MBP: variants seen among roughly 807,000 people sequenced by gnomAD.
MBP encodes the protein Golli-MBP.
A neutral mutation model predicts 35.8 loss-of-function variants in MBP; 16 were observed. The ratio of observed to expected loss-of-function variants is 0.45; its 90% CI spans 0.30 to 0.68. MBP has a LOEUF of 0.68. Among genes scored for constraint, MBP ranks in the 30% least tolerant of loss-of-function variants. MBP has a pLI of 0.08. For synonymous variants in MBP, 143 were observed against 159.6 expected, an observed-to-expected ratio of 0.90 and a Z score of 0.78; for missense variants, 380 against 404.7, an observed-to-expected ratio of 0.94 and a Z score of 0.52.
intron 3 of MBP, among the ~76,000 whole-genome samples, chr18:77,057,267 C>T (rs1387217898): frequency 6.6e-6 from 1 of 152,186 alleles, no homozygotes; most frequent in East Asian, 1.9e-4. Flanking sequence ...CACTGGGCTC[C>T]GATCCTGCTC....
intron 2 of MBP, chr18:77,069,095 C>G (rs762790861): frequency 1.8e-5 from 8 of 456,860 alleles, no homozygotes; most frequent in Non-Finnish European, 3.5e-5. Flanking sequence ...TTATTCCCCT[C>G]CCTGTGATGC....
intron 2 of MBP, among the ~76,000 whole-genome samples, chr18:77,071,119 A>G (rs73489044): frequency 0.06 from 9,209 of 152,274 alleles, 305 homozygotes; most frequent in South Asian, 0.11. Context: ...AATCATCACA[A>G]AAAAGGCTGT....
intron 3 of MBP, among the ~76,000 whole-genome samples, chr18:77,027,494 G>A (rs764251305): frequency 6.6e-6 from 1 of 152,128 alleles, no homozygotes; most frequent in Non-Finnish European, 1.5e-5. Context: ...CCAGGTCTCC[G>A]ACAGATAAGA....
At chr18:77,072,327 C>T (rs1029354837) in intron 2 of MBP, among the ~76,000 whole-genome samples, 17 of 152,122 alleles carry the variant, frequency 1.1e-4, no homozygotes, top group African/African-American at 4.1e-4. Context: ...TGCCATATTC[C>T]CTGCCGTAGA....
intron 8 of MBP, chr18:76,984,559 C>T: frequency 1.6e-6 from 1 of 614,524 alleles, no homozygotes; most frequent in South Asian, 2.0e-5. Context: ...AGCCCTTCCT[C>T]AAGCACCTCC....
chr18:77,029,335 G>T (rs571594337), intron 3 of MBP, among the ~76,000 whole-genome samples: 188 of 149,978 alleles, frequency 1.3e-3, no homozygotes, highest in African/African-American at 4.5e-3. Flanking sequence ...CAGGCAGGGG[G>T]GTTGCAGTGA....
rs368059217 is a variant in MBP, at chr18:77,123,089, G to A, written c.-26+9491C>T. 1.9e-4 allele frequency among the ~76,000 whole-genome samples: 29 copies of A among 152,268 alleles called. 1 individual carries two copies. In the East Asian group the frequency reaches 3.3e-3, roughly 17 times the overall value. On this transcript the variant is annotated intron_variant, in intron 1 of 8. Coordinates refer to ENST00000355994, the MANE Select transcript of MBP (RefSeq NM_001025101.2). ...TCTCTTAACATACCCTGAAATGGACGGCATAGTATTTTTGTACACAGTAGA... is the reference window on the plus strand; with the variant it reads ...TCTCTTAACATACCCTGAAATGGACAGCATAGTATTTTTGTACACAGTAGA...
At chr18:77,002,263 A>G (rs1450804794) in intron 4 of MBP, among the ~76,000 whole-genome samples, 3 of 152,180 alleles carry the variant, frequency 2.0e-5, no homozygotes, top group African/African-American at 4.8e-5. Flanking sequence ...GGCCTTTGCT[A>G]CAGAGATGCA....
chr18:77,078,819 A>G (rs1436465768), intron 2 of MBP, among the ~76,000 whole-genome samples: 1 of 152,176 alleles, frequency 6.6e-6, no homozygotes, highest in East Asian at 1.9e-4. Flanking sequence ...GACTCCACCA[A>G]TGAGGATGCC....
At chr18:77,099,060 G>A (rs1309217609) in intron 2 of MBP, among the ~76,000 whole-genome samples, 4 of 152,042 alleles carry the variant, frequency 2.6e-5, no homozygotes, top group Admixed American at 2.0e-4. Flanking sequence ...TTCATACAAG[G>A]GGAGGGGGAG....
intron 3 of MBP, among the ~76,000 whole-genome samples, chr18:77,058,544 C>T (rs1036189627): frequency 6.6e-6 from 1 of 152,258 alleles, no homozygotes; most frequent in Non-Finnish European, 1.5e-5. Context: ...CGAGCTGTTC[C>T]AGCACCACCC....
intron 4 of MBP, among the ~76,000 whole-genome samples, chr18:76,995,201 T>C (rs1199900204): frequency 6.6e-6 from 1 of 152,232 alleles, no homozygotes; most frequent in South Asian, 2.1e-4. Flanking sequence ...AGTGAACTTA[T>C]AGAGAGACAT....
At chr18:77,066,241 G>T in intron 3 of MBP, 57 bp downstream of exon 3, 1 of 1,278,374 alleles carries the variant, frequency 7.8e-7, no homozygotes, top group Non-Finnish European at 1.1e-6. Flanking sequence ...CCGAGTGAGA[G>T]TGCAGGTGCA....
intron 4 of MBP, among the ~76,000 whole-genome samples, chr18:77,011,361 G>A (rs1971337403): frequency 6.6e-6 from 1 of 152,206 alleles, no homozygotes; most frequent in African/African-American, 2.4e-5. Context: ...TGTACGCTAT[G>A]TACAGGGCCA....
chr18:77,005,444 C>T (rs1216359852), intron 4 of MBP: 1 of 152,170 alleles, frequency 6.6e-6, no homozygotes, highest in Non-Finnish European at 1.5e-5. Context: ...TCCCGAGAGA[C>T]CCACGGAAAA....
intron 3 of MBP, among the ~76,000 whole-genome samples, chr18:77,057,902 C>T (rs1413128102): frequency 2.3e-5 from 1 of 43,616 alleles, no homozygotes; most frequent in Admixed American, 3.0e-4. Flanking sequence ...TCTCGGCTCA[C>T]TGCAAGCTCC....
At chr18:77,042,497 A>G (rs1311789826) in intron 3 of MBP, among the ~76,000 whole-genome samples, 1 of 152,262 alleles carries the variant, frequency 6.6e-6, no homozygotes, top group Non-Finnish European at 1.5e-5. Context: ...TGAAAACTCT[A>G]GTGAGAAACC....
intron 4 of MBP, among the ~76,000 whole-genome samples, chr18:76,997,442 C>T (rs1970333613): frequency 6.6e-6 from 1 of 152,202 alleles, no homozygotes; most frequent in South Asian, 2.1e-4. Flanking sequence ...TCCAAGTCTT[C>T]GGTTCTAGAA....
intron 8 of MBP, chr18:76,980,685 AC>A (rs1166968075): frequency 1.4e-4 from 81 of 566,540 alleles, no homozygotes; most frequent in African/African-American, 1.3e-3. Flanking sequence ...GTGAGAGAGA[AC>A]TGGAATCGGA....
Sources: gnomAD v4.1 joint callset for allele counts (sites outside exome capture counted in the v4.1 genomes callset) on GRCh38, gnomAD v4.1.1 for gene constraint, MANE v1.5 for transcripts, NCBI Gene and HGNC (gene_info 2026-07-23, HGNC 2026-07-21) for gene names.